The following CRLS1 variants were observed in gnomAD, a reference collection of about 807,000 sequenced individuals.
CRLS1 encodes the protein cardiolipin synthase (CMP-forming).
CRLS1 carries 24 observed loss-of-function variants against 37.0 expected under a neutral mutation model. That is an observed-to-expected ratio of 0.65 (90% confidence interval 0.47 to 0.91). The LOEUF is 0.91. Among genes scored for constraint, CRLS1 ranks in the 40% least tolerant of loss-of-function variants. The pLI is 0.00. For synonymous variants in CRLS1, 135 were observed against 159.7 expected, an observed-to-expected ratio of 0.85 and a Z score of 1.17; for missense variants, 373 against 395.8, an observed-to-expected ratio of 0.94 and a Z score of 0.49.
In CRLS1 at chr20:6,037,328, A is replaced by G. The variant is rs1980630869; in HGVS notation, c.*170A>G. 3 of 402,652 alleles carry G rather than the reference A, an allele frequency of 7.5e-6. No individual in the cohort carries two copies. Among genetic ancestry groups the G allele is most frequent in the Non-Finnish European group, 8.8e-6 (2 of 227,122 alleles). 24.9% of individuals were successfully genotyped at this position (402,652 alleles called of 1,614,324 possible). Reference sequence around the variant, plus strand: ...ATGTGCATTGAAAATAAGGTTGATCATGGGAATATGCAGAATTTCCAATGT... The same window carrying G: ...ATGTGCATTGAAAATAAGGTTGATCGTGGGAATATGCAGAATTTCCAATGT... On this transcript the variant is annotated 3_prime_UTR_variant, in exon 7 of 7. Coordinates refer to ENST00000378863, the MANE Select transcript of CRLS1 (RefSeq NM_019095.6).
rs2122945053 is a variant in CRLS1, at chr20:6,015,448, A to G, written c.532A>G (p.Ser178Gly). ...LDPLADKILI[S>G]ILYVSLTYAD... ...TCCACTTGCTGATAAAATACTTATC[A>G]GTATCTTATATGTTAGCTTGACCTA... Residue 178 changes from serine to glycine, a missense_variant, in exon 3 of 7, where the codon AGT (serine) becomes GGT (glycine). Ser to Gly is a moderately conservative substitution (Grantham distance 56, BLOSUM62 0). Transcript: ENST00000378863. 1 of 1,613,106 alleles carries G rather than the reference A, an allele frequency of 6.2e-7. No individual in the cohort carries two copies. The highest frequency in any genetic ancestry group is 8.5e-7 in the Non-Finnish European group (1 of 1,179,186).
At chr20:6,011,018 TA>T (rs879901246) in intron 2 of CRLS1, among the ~76,000 whole-genome samples, 648 of 139,504 alleles carry the variant, frequency 4.6e-3, no homozygotes, top group Middle Eastern at 7.3e-3. Context: ...ACTTGTCTCT[TA>T]AAAAAAAAAA....
intron 3 of CRLS1, among the ~76,000 whole-genome samples, chr20:6,024,085 T>C (rs1752400753): frequency 6.6e-6 from 1 of 152,068 alleles, no homozygotes; most frequent in African/African-American, 2.4e-5. Context: ...CTTGAGTAGC[T>C]GAGACTACAG....
Position 6,037,771 on chromosome 20 carries a change from C to G in CRLS1, c.*613C>G, listed in dbSNP as rs1164506594. 1 of 152,146 alleles carries G rather than the reference C, an allele frequency of 6.6e-6. No individual in the cohort carries two copies. Among genetic ancestry groups the G allele is most frequent in the Non-Finnish European group, 1.5e-5 (1 of 68,038 alleles). The allele number at this position is 152,146 out of a possible 1,614,324, so 9.4% of individuals were successfully genotyped here. A position where few individuals can be genotyped will look rare whatever the true frequency, so the allele number is the denominator to read the frequency against. ...TTCATTTTCGGTAGTCTTCCAACCT[C>G]TCAGGTGCCTAATAATTTATGTTTG... is the stretch of plus-strand genomic sequence containing the variant. On this transcript the variant is annotated 3_prime_UTR_variant, in exon 7 of 7. Transcript: ENST00000378863.
chr20:6,027,837 G>C (rs1406436435), intron 3 of CRLS1, among the ~76,000 whole-genome samples: 2 of 152,200 alleles, frequency 1.3e-5, no homozygotes, highest in Non-Finnish European at 2.9e-5. Flanking sequence ...AGCCCTAGCA[G>C]TAAGGTGTTA....
In CRLS1 at chr20:6,038,259, G is replaced by C. The variant is rs1691253028; in HGVS notation, c.*1101G>C. ...AAGGGGAGAAGAAGACAGTCCAGTG[G>C]TGACTAGTTGCTGCTGCTTAACCTA... On this transcript the variant is annotated 3_prime_UTR_variant, in exon 7 of 7. Coordinates refer to ENST00000378863, the MANE Select transcript of CRLS1 (RefSeq NM_019095.6). 1 of 152,260 alleles carries C rather than the reference G, an allele frequency of 6.6e-6. No homozygotes were observed. Among genetic ancestry groups the C allele is most frequent in the Admixed American group, 6.5e-5 (1 of 15,282 alleles). The allele number at this position is 152,260 out of a possible 1,614,324, so 9.4% of individuals were successfully genotyped here.
intron 3 of CRLS1, among the ~76,000 whole-genome samples, chr20:6,030,132 T>C (rs1243205927): frequency 1.4e-4 from 21 of 152,046 alleles, no homozygotes; most frequent in South Asian, 6.2e-4. Flanking sequence ...CTTTTTTTTT[T>C]CCCCCCTTTT....
intron 3 of CRLS1, among the ~76,000 whole-genome samples, chr20:6,016,450 TGG>T (rs1244289248): frequency 1.8e-5 from 2 of 110,460 alleles, no homozygotes; most frequent in African/African-American, 7.4e-5. Context: ...GATTGGGGAA[TGG>T]GGGTGTGTGT....
chr20:6,028,582 T>C (rs1979905073), intron 3 of CRLS1: 1 of 152,248 alleles, frequency 6.6e-6, no homozygotes, highest in Non-Finnish European at 1.5e-5. Context: ...ATTTTTAATA[T>C]GTAAACGATT....
intron 6 of CRLS1, among the ~76,000 whole-genome samples, chr20:6,036,718 G>A (rs1043333493): frequency 6.6e-6 from 1 of 152,164 alleles, no homozygotes. Context: ...CCTTCTGGAG[G>A]ATGAGTCCTT....
At chr20:6,027,512 A>G (rs1056059549) in intron 3 of CRLS1, among the ~76,000 whole-genome samples, 4 of 151,754 alleles carry the variant, frequency 2.6e-5, no homozygotes, top group Non-Finnish European at 5.9e-5. Context: ...ATAACTTTCA[A>G]TAAGTGATTA....
At chr20:6,022,413 A>T (rs1440841225) in intron 3 of CRLS1, among the ~76,000 whole-genome samples, 3 of 136,036 alleles carry the variant, frequency 2.2e-5, no homozygotes, top group African/African-American at 8.5e-5. Context: ...ATCTCGGCTC[A>T]CTGCATTCTC....
chr20:6,008,029 G>A (rs6085344), intron 1 of CRLS1, among the ~76,000 whole-genome samples: 14,162 of 151,376 alleles, frequency 0.094, 869 homozygotes, highest in Middle Eastern at 0.22. Flanking sequence ...ATCCCTCCAA[G>A]CTGAGGTGCT....
At position 6,026,483 on chromosome 20, in the gene CRLS1, CAG is replaced by C. The variant is rs574668454; in HGVS notation, c.575-4799_575-4798del. The stretch of plus-strand genomic sequence containing the variant: ...TTAGCTTTGTTGCGGTGGTCTGGAA[CAG>C]AGCCTTCAATGTCTCTGAGGCATGC... On this transcript the variant is annotated intron_variant, in intron 3 of 6. Coordinates refer to ENST00000378863, the MANE Select transcript of CRLS1 (RefSeq NM_019095.6). Among the ~76,000 whole-genome samples the C allele has an allele frequency of 9.9e-5, 15 of 152,262 alleles. No homozygotes were observed. In the South Asian group the frequency reaches 2.9e-3, roughly 29 times the overall value.
Position 6,015,392 on chromosome 20 carries a change from A to G in CRLS1, c.476A>G (p.Asn159Ser). The G allele has an allele frequency of 6.2e-7, 1 of 1,608,202 alleles. No homozygotes were observed. Among genetic ancestry groups the G allele is most frequent in the East Asian group, 2.2e-5 (1 of 44,664 alleles). Residue 159 changes from asparagine (N) to serine (S), a missense_variant, in exon 3 of 7, where the codon AAT becomes AGT. Physicochemically the swap from Asn to Ser is conservative, Grantham distance 46. Transcript: ENST00000378863. ...GGATTTATTGCTCGAAACTGGGCCA[A>G]TCAAAGATCAGCTTTGGGAAGTGCT... ...LDGFIARNWA[N>S]QRSALGSALD...
At chr20:6,029,008 G>A (rs1176900431) in intron 3 of CRLS1, among the ~76,000 whole-genome samples, 2 of 152,200 alleles carry the variant, frequency 1.3e-5, no homozygotes, top group Admixed American at 1.3e-4. Flanking sequence ...AGGCCTTTGA[G>A]ACCACCTGGT....
chr20:6,039,257 TTGTTTGTGTGTG>T lies in CRLS1; in HGVS notation c.*2103_*2114del, dbSNP rs1437041924. On this transcript the variant is annotated 3_prime_UTR_variant, in exon 7 of 7. Coordinates refer to ENST00000378863, the MANE Select transcript of CRLS1 (RefSeq NM_019095.6). Reference sequence around the variant, plus strand: ...TGCACACCAACTGTGCTTTGCAGTTTTGTTTGTGTGTGTGTGTGTGTGTGTGTGTGTGTGTGT... The same window carrying T: ...TGCACACCAACTGTGCTTTGCAGTTTTGTGTGTGTGTGTGTGTGTGTGTGT... The T allele has an allele frequency of 3.1e-5, 4 of 128,774 alleles. No homozygotes were observed. The highest frequency in any genetic ancestry group is 1.3e-4 in the African/African-American group (4 of 31,258). The allele number at this position is 128,774 out of a possible 1,614,324, so 8.0% of individuals were successfully genotyped here. A position where few individuals can be genotyped will look rare whatever the true frequency, so the allele number is the denominator to read the frequency against.
chr20:6,009,062 C>T (rs1462575602), intron 1 of CRLS1, among the ~76,000 whole-genome samples: 8 of 152,212 alleles, frequency 5.3e-5, no homozygotes, highest in Non-Finnish European at 8.8e-5. Context: ...TGCTGGCTCA[C>T]GCCTGTAATC....
At chr20:6,005,947 G>A (rs1481005220), upstream of CRLS1, 7 of 250,256 alleles carry the variant, frequency 2.8e-5, no homozygotes, top group Non-Finnish European at 5.3e-5. Context: ...CAGGAGAAGA[G>A]AGCGCCGCGT....
Sources: allele counts gnomAD v4.1 joint callset (sites outside exome capture counted in the v4.1 genomes callset), GRCh38; gene constraint gnomAD v4.1.1; transcripts MANE v1.5; gene names NCBI Gene and HGNC (gene_info 2026-07-23, HGNC 2026-07-21).